GRM8: variants seen among roughly 807,000 people sequenced by gnomAD.
GRM8 encodes glutamate metabotropic receptor 8, also known as metabotropic glutamate receptor 8.
Under a neutral mutation model 87.2 loss-of-function variants are expected in GRM8, and 47 were observed. The observed-to-expected ratio is 0.54, with a 90% CI of 0.43 to 0.69. GRM8 has a LOEUF of 0.69. Among genes scored for constraint, GRM8 ranks in the 30% least tolerant of loss-of-function variants. The pLI is 0.00. For missense variants in GRM8, 1,019 were observed against 1,139.2 expected (o/e 0.89, Z 1.52); for synonymous variants, 396 against 404.5 (o/e 0.98, Z 0.25).
intron 6 of GRM8, among the ~76,000 whole-genome samples, chr7:126,799,657 G>A (rs1822414887): frequency 6.6e-6 from 1 of 152,116 alleles, no homozygotes; most frequent in African/African-American, 2.4e-5. Flanking sequence ...GTAGAAAGCA[G>A]ATTCCCCAGC....
chr7:126,552,386 AT>A (rs1792683355), intron 8 of GRM8, among the ~76,000 whole-genome samples: 1 of 152,166 alleles, frequency 6.6e-6, no homozygotes. Flanking sequence ...TGCTAATAAT[AT>A]TTTTAATGTA....
intron 6 of GRM8, among the ~76,000 whole-genome samples, chr7:126,791,605 A>G (rs919464129): frequency 2.6e-5 from 4 of 152,202 alleles, no homozygotes; most frequent in African/African-American, 9.7e-5. Context: ...TGTCTATTGC[A>G]AGTGCAACAG....
At chr7:126,806,787 G>A (rs991489099) in intron 6 of GRM8, among the ~76,000 whole-genome samples, 1 of 152,224 alleles carries the variant, frequency 6.6e-6, no homozygotes, top group African/African-American at 2.4e-5. Context: ...GTGCCTGCCG[G>A]CTGTGCCGCT....
chr7:126,544,604 G>A (rs571237130), intron 8 of GRM8, among the ~76,000 whole-genome samples: 13 of 152,036 alleles, frequency 8.6e-5, no homozygotes, highest in African/African-American at 2.9e-4. Context: ...TCCGCCTCCC[G>A]GGTTCAGACG....
intron 3 of GRM8, chr7:126,981,399 T>G (rs1452336589): frequency 1.3e-5 from 2 of 152,228 alleles, no homozygotes; most frequent in Admixed American, 1.3e-4. Flanking sequence ...ATAATTTATT[T>G]CTTACAGTTT....
intron 3 of GRM8, among the ~76,000 whole-genome samples, chr7:126,967,742 AT>A (rs1810022435): frequency 6.6e-6 from 1 of 152,202 alleles, no homozygotes; most frequent in East Asian, 1.9e-4. Context: ...TTCAGATGTT[AT>A]TTCTTTAATC....
At chr7:127,079,441 T>C (rs996248554) in intron 3 of GRM8, among the ~76,000 whole-genome samples, 2 of 152,232 alleles carry the variant, frequency 1.3e-5, no homozygotes, top group Admixed American at 6.5e-5. Context: ...TTAAAGTTAA[T>C]GACAATCAAA....
intron 2 of GRM8, among the ~76,000 whole-genome samples, chr7:127,232,694 A>G (rs761403704): frequency 6.6e-6 from 1 of 152,184 alleles, no homozygotes; most frequent in African/African-American, 2.4e-5. Context: ...GCAGATGTAA[A>G]TATCTTCCTC....
chr7:126,506,105 C>G (rs543504353), intron 9 of GRM8, among the ~76,000 whole-genome samples: 1 of 152,186 alleles, frequency 6.6e-6, no homozygotes, highest in African/African-American at 2.4e-5. Flanking sequence ...CTTTCTGTGT[C>G]TGGCTTATTT....
intron 3 of GRM8, among the ~76,000 whole-genome samples, chr7:126,933,267 G>A (rs1055402072): frequency 1.3e-5 from 2 of 152,194 alleles, no homozygotes; most frequent in African/African-American, 2.4e-5. Flanking sequence ...GAAAAGCAAG[G>A]GGAGGGCTCC....
At chr7:126,841,530 G>A (rs1419746522) in intron 6 of GRM8, among the ~76,000 whole-genome samples, 2 of 151,994 alleles carry the variant, frequency 1.3e-5, no homozygotes, top group Non-Finnish European at 2.9e-5. Context: ...CTGACTAAAT[G>A]TAACATAGAT....
At chr7:126,747,815 A>G (rs992086652) in intron 7 of GRM8, among the ~76,000 whole-genome samples, 1 of 151,918 alleles carries the variant, frequency 6.6e-6, no homozygotes, top group East Asian at 1.9e-4. Context: ...ATTTTCCTTC[A>G]GTCCAATTCT....
At chr7:126,960,501 T>C (rs1809201554) in intron 3 of GRM8, among the ~76,000 whole-genome samples, 1 of 152,164 alleles carries the variant, frequency 6.6e-6, no homozygotes, top group African/African-American at 2.4e-5. Context: ...ATACTATTCT[T>C]AGAATGTTGG....
Position 126,478,426 on chromosome 7 carries a change from T to A in GRM8, c.2431-32054A>T, listed in dbSNP as rs183283181. On this transcript the variant is annotated intron_variant, in intron 9 of 10. Coordinates refer to ENST00000339582, the MANE Select transcript of GRM8 (RefSeq NM_000845.3). ...TGGCGTGAGATAAGGAAATCAACGA[T>A]CACTTCTCTGGTCAGTTTCCATTTT... 2.0e-3 allele frequency among the ~76,000 whole-genome samples: 303 copies of A among 152,192 alleles called. 1 individual carries two copies. Among genetic ancestry groups the A allele is most frequent in the Non-Finnish European group, 2.2e-3 (148 of 67,994 alleles).
At chr7:126,978,851 G>C (rs1471509989) in intron 3 of GRM8, among the ~76,000 whole-genome samples, 8 of 152,146 alleles carry the variant, frequency 5.3e-5, no homozygotes, top group Admixed American at 4.6e-4. Context: ...AAAACCCTAA[G>C]AGACTCCCCT....
intron 2 of GRM8, among the ~76,000 whole-genome samples, chr7:127,154,236 C>T (rs1263872819): frequency 6.6e-6 from 1 of 152,102 alleles, no homozygotes; most frequent in African/African-American, 2.4e-5. Context: ...TAATAAATCA[C>T]GCCTAGCTCT....
chr7:126,659,915 T>C (rs190643146), intron 7 of GRM8, among the ~76,000 whole-genome samples: 1 of 152,318 alleles, frequency 6.6e-6, no homozygotes. Context: ...TTTCCTAGAG[T>C]ATTAAGCTTT....
At chr7:126,547,293 T>C (rs953926327) in intron 8 of GRM8, among the ~76,000 whole-genome samples, 1 of 152,118 alleles carries the variant, frequency 6.6e-6, no homozygotes, top group Non-Finnish European at 1.5e-5. Flanking sequence ...GAGAGAAAAG[T>C]AATTTGGGGA....
intron 2 of GRM8, among the ~76,000 whole-genome samples, chr7:127,143,670 C>T (rs1828397982): frequency 6.6e-6 from 1 of 152,070 alleles, no homozygotes; most frequent in Non-Finnish European, 1.5e-5. Context: ...TTAACAAAGG[C>T]CATGTAGCTC....
Sources: allele counts gnomAD v4.1 joint callset (sites outside exome capture counted in the v4.1 genomes callset), GRCh38; gene constraint gnomAD v4.1.1; transcripts MANE v1.5; gene names NCBI Gene and HGNC (gene_info 2026-07-23, HGNC 2026-07-21).